Variants in PCDHGA6 observed in about 807,000 individuals in gnomAD.
The protein encoded by PCDHGA6 is protocadherin gamma-A6.
PCDHGA6 carries 41 observed loss-of-function variants against 60.6 expected under a neutral mutation model. The ratio of observed to expected loss-of-function variants is 0.68; its 90% confidence interval spans 0.53 to 0.88. PCDHGA6 has a LOEUF of 0.88. Among genes scored for constraint, PCDHGA6 ranks in the 40% least tolerant of loss-of-function variants. The probability of loss-of-function intolerance (pLI) is 0.00; values close to 1 mark genes in which losing one functional copy is unlikely to be tolerated. For missense variants in PCDHGA6, 1,312 were observed against 1,203.0 expected (o/e 1.09, Z -1.34); for synonymous variants, 594 against 524.4 (o/e 1.13, Z -1.81).
intron 1 of PCDHGA6, chr5:141,433,012 G>A (rs1402902269): frequency 2.5e-6 from 4 of 1,614,054 alleles, no homozygotes; most frequent in Non-Finnish European, 3.4e-6. Flanking sequence ...CTTTCCTGCA[G>A]ACCTATTCCC....
Position 141,388,371 on chromosome 5 carries a change from G to C in PCDHGA6, c.2424+11864G>C, listed in dbSNP as rs757960562. ...AGGATCTGCCCATGATGCGGATATT[G>C]GTAGCAACACACTGCAGAATTACCA... On this transcript the variant is annotated intron_variant, in intron 1 of 3. Transcript: ENST00000517434. 3.8e-5 allele frequency: 61 copies of C among 1,613,854 alleles called. No homozygotes were observed. In the South Asian group the frequency reaches 6.1e-4, roughly 16 times the overall value.
intron 2 of PCDHGA6, among the ~76,000 whole-genome samples, chr5:141,497,977 G>A (rs1368982839): frequency 6.6e-6 from 1 of 152,216 alleles, no homozygotes; most frequent in Admixed American, 6.5e-5. Context: ...CTCGATGTGG[G>A]AGGCCCCTGC....
rs762687404 is a variant in PCDHGA6 at position 141,486,468 on chromosome 5, A to G, written c.2425-8339A>G. Reference sequence around the variant, plus strand: ...ATGGTCACTGCTTCTGATGCTGGGAACCCTCCTCTCAGTACCCACAGAACT... The same window carrying G: ...ATGGTCACTGCTTCTGATGCTGGGAGCCCTCCTCTCAGTACCCACAGAACT... On this transcript the variant is annotated intron_variant, in intron 1 of 3. Transcript: ENST00000517434. This position sits in a 1 kb window ranked among gnomAD's most constrained non-coding sequence, Gnocchi z 5.0. The G allele has an allele frequency of 1.2e-6, 2 of 1,612,906 alleles. No individual in the cohort carries two copies. Among genetic ancestry groups the G allele is most frequent in the Middle Eastern group, 1.6e-4 (1 of 6,062 alleles).
chr5:141,389,871 G>C (rs199638280), intron 1 of PCDHGA6: 297 of 1,614,056 alleles, frequency 1.8e-4, no homozygotes, highest in Non-Finnish European at 2.3e-4. Context: ...CCTGGTCTTC[G>C]CCGACAGCTT....
intron 1 of PCDHGA6, among the ~76,000 whole-genome samples, chr5:141,459,646 T>C (rs2098972004): frequency 6.6e-6 from 1 of 152,266 alleles, no homozygotes; most frequent in Non-Finnish European, 1.5e-5. Context: ...TTTTTCAAAA[T>C]GGTAATATCA....
chr5:141,385,351 T>C, intron 1 of PCDHGA6: 1 of 1,555,976 alleles, frequency 6.4e-7, no homozygotes, highest in Non-Finnish European at 8.7e-7. Flanking sequence ...TTTATTTCCA[T>C]GAGGAATTTA....
At chr5:141,438,957 CACCCTGCCA>C (rs1022731551) in intron 1 of PCDHGA6, among the ~76,000 whole-genome samples, 2 of 152,144 alleles carry the variant, frequency 1.3e-5, no homozygotes, top group East Asian at 3.9e-4. Flanking sequence ...TGAGCCACCG[CACCCTGCCA>C]ACTGTCTGAC....
At chr5:141,422,561 A>T in intron 1 of PCDHGA6, 1 of 1,613,992 alleles carries the variant, frequency 6.2e-7, no homozygotes, top group Non-Finnish European at 8.5e-7. Context: ...AATGTGGCAG[A>T]TGACAACGAT....
rs377547144 is a variant in PCDHGA6, at chr5:141,409,030, G to A, written c.2424+32523G>A. The stretch of plus-strand genomic sequence containing the variant: ...ACCAGGATGAGGGGGTCAATGCTGA[G>A]ATAAACTACTACTTCCGAAGCACTG... On this transcript the variant is annotated intron_variant, in intron 1 of 3. Transcript: ENST00000517434. 9.9e-6 allele frequency: 16 copies of A among 1,613,892 alleles called. No homozygotes were observed. The African/African-American group carries it at 2.0e-4, about 20-fold the overall frequency.
intron 1 of PCDHGA6, among the ~76,000 whole-genome samples, chr5:141,380,336 G>T (rs1221282125): frequency 1.3e-5 from 2 of 152,060 alleles, no homozygotes; most frequent in Non-Finnish European, 2.9e-5. Flanking sequence ...GAACTTCAAA[G>T]AACTGTTTTG....
chr5:141,375,114 T>G lies in PCDHGA6; in HGVS notation c.1031T>G (p.Val344Gly). Reference sequence around the variant, plus strand: ...ACTATCTTGGATGTCAATGATAATGTACCAGAAGTGGTTGTTACATCTGGA... The same window carrying G: ...ACTATCTTGGATGTCAATGATAATGGACCAGAAGTGGTTGTTACATCTGGA... ...LITILDVNDN[V>G]PEVVVTSGSR... Residue 344 changes from valine to glycine, a missense_variant, in exon 1 of 4, where the codon GTA (valine) becomes GGA (glycine). Coordinates refer to ENST00000517434, the MANE Select transcript of PCDHGA6 (RefSeq NM_018919.3). 1 of 1,613,970 alleles carries G rather than the reference T, an allele frequency of 6.2e-7. No homozygotes were observed. Among genetic ancestry groups the G allele is most frequent in the African/African-American group, 1.3e-5 (1 of 75,066 alleles).
rs779191558 is a variant in PCDHGA6 at position 141,491,465 on chromosome 5, A to G, written c.2425-3342A>G. On this transcript the variant is annotated intron_variant, in intron 1 of 3. Coordinates refer to ENST00000517434, the MANE Select transcript of PCDHGA6 (RefSeq NM_018919.3). This position sits in a 1 kb window ranked among gnomAD's most constrained non-coding sequence, Gnocchi z 6.9. The stretch of plus-strand genomic sequence containing the variant: ...CAGGACTCACCCTCCCCGGACTTCT[A>G]TAAGCAGTCCAGCCCCAACCTGCAG... 1.2e-6 allele frequency: 2 copies of G among 1,613,974 alleles called. No homozygotes were observed. The highest frequency in any genetic ancestry group is 1.1e-5 in the South Asian group (1 of 91,084).
chr5:141,489,563 T>C lies in PCDHGA6; in HGVS notation c.2425-5244T>C, dbSNP rs2099689031. ...ACCAGCTGCCTGCTGCCAGTGCAGG[T>C]GGTGACTGAACACCCCCTGGAGCTA... On this transcript the variant is annotated intron_variant, in intron 1 of 3. Coordinates refer to ENST00000517434, the MANE Select transcript of PCDHGA6 (RefSeq NM_018919.3). The surrounding 1 kb of genome is among the most constrained non-coding windows in gnomAD (Gnocchi z 4.5). 13 of 1,614,006 alleles carry C rather than the reference T, an allele frequency of 8.1e-6. No homozygotes were observed. The highest frequency in any genetic ancestry group is 1.1e-5 in the Non-Finnish European group (13 of 1,179,976).
At chr5:141,387,448 G>T (rs913381872) in intron 1 of PCDHGA6, among the ~76,000 whole-genome samples, 1 of 152,228 alleles carries the variant, frequency 6.6e-6, no homozygotes, top group African/African-American at 2.4e-5. Context: ...TAATCTACAT[G>T]ATTTGCCTAA....
chr5:141,394,085 C>T, intron 1 of PCDHGA6: 3 of 1,613,886 alleles, frequency 1.9e-6, no homozygotes, highest in Non-Finnish European at 2.5e-6. Flanking sequence ...CAGTGATGGC[C>T]TCAGATCTAG....
Position 141,490,644 on chromosome 5 carries a change from T to G in PCDHGA6, c.2425-4163T>G, listed in dbSNP as rs772742713. 1 of 1,614,188 alleles carries G rather than the reference T, an allele frequency of 6.2e-7. No individual in the cohort carries two copies. Among genetic ancestry groups the G allele is most frequent in the Non-Finnish European group, 8.5e-7 (1 of 1,180,016 alleles). The stretch of plus-strand genomic sequence containing the variant: ...CTGCTTACATCCTAGAAAACCGGCC[T>G]CCGGGCTCCCTTCTTTGCACTGTGG... On this transcript the variant is annotated intron_variant, in intron 1 of 3. Transcript: ENST00000517434. The surrounding 1 kb of genome is among the most constrained non-coding windows in gnomAD (Gnocchi z 5.4).
intron 1 of PCDHGA6, among the ~76,000 whole-genome samples, chr5:141,479,053 A>G (rs534968614): frequency 9.2e-5 from 14 of 152,334 alleles, no homozygotes; most frequent in African/African-American, 3.1e-4. Context: ...TCATTCTCAG[A>G]TAATTTTTTA....
At chr5:141,435,024 C>T (rs1263332887) in intron 1 of PCDHGA6, among the ~76,000 whole-genome samples, 3 of 151,970 alleles carry the variant, frequency 2.0e-5, no homozygotes, top group Non-Finnish European at 4.4e-5. Context: ...ATGCTCTTTT[C>T]CCACTTTTAT....
intron 1 of PCDHGA6, among the ~76,000 whole-genome samples, chr5:141,472,346 C>G (rs1393301393): frequency 6.6e-6 from 1 of 151,722 alleles, no homozygotes; most frequent in Non-Finnish European, 1.5e-5. Flanking sequence ...TCGAGACCAT[C>G]CTGGCTAACA....
Sources: gnomAD v4.1 joint callset for allele counts (sites outside exome capture counted in the v4.1 genomes callset) on GRCh38, gnomAD v4.1.1 for gene constraint, Gnocchi (gnomAD v3.1) non-coding constraint, MANE v1.5 for transcripts, NCBI Gene and HGNC (gene_info 2026-07-23, HGNC 2026-07-21) for gene names.